ITPRID1: variants seen among roughly 807,000 people sequenced by gnomAD.
The protein encoded by ITPRID1 is ITPR interacting domain containing 1, also known as protein ITPRID1.
ITPRID1 carries 96 observed loss-of-function variants against 95.4 expected under a neutral mutation model. That is an observed-to-expected ratio of 1.01 (90% CI 0.85 to 1.19). ITPRID1 has a LOEUF of 1.19. ITPRID1 is among the 50% of genes most tolerant of loss of function. The pLI is 0.00. For missense variants in ITPRID1, 1,339 were observed against 1,252.9 expected, an observed-to-expected ratio of 1.07 and a Z score of -1.04; for synonymous variants, 510 against 453.6, an observed-to-expected ratio of 1.12 and a Z score of -1.58.
intron 10 of ITPRID1, among the ~76,000 whole-genome samples, chr7:31,619,744 A>T (rs1286906836): frequency 6.6e-6 from 1 of 152,122 alleles, no homozygotes; most frequent in East Asian, 1.9e-4. Flanking sequence ...AGGGAGTGCC[A>T]GACAGTGGGC....
downstream of ITPRID1, chr7:31,656,587 T>A: frequency 1.7e-6 from 1 of 587,642 alleles, no homozygotes; most frequent in Non-Finnish European, 2.1e-6. Flanking sequence ...GATGAATGAA[T>A]GAGATGAGGA....
intron 10 of ITPRID1, among the ~76,000 whole-genome samples, chr7:31,625,335 C>T (rs556900513): frequency 4.0e-4 from 61 of 151,874 alleles, no homozygotes; most frequent in South Asian, 3.5e-3. Flanking sequence ...ATGTTTATTG[C>T]GGCACTATTC....
At chr7:31,595,764 G>A (rs559196359) in intron 10 of ITPRID1, among the ~76,000 whole-genome samples, 1 of 152,018 alleles carries the variant, frequency 6.6e-6, no homozygotes, top group African/African-American at 2.4e-5. Context: ...GTAGAAATTG[G>A]TAATGTGGAA....
At chr7:31,538,446 A>C (rs917965914) in intron 1 of ITPRID1, among the ~76,000 whole-genome samples, 12 of 152,344 alleles carry the variant, frequency 7.9e-5, no homozygotes, top group African/African-American at 2.9e-4. Flanking sequence ...TGATCTACAG[A>C]CCATATTCAT....
At chr7:31,624,268 C>A (rs947041147) in intron 10 of ITPRID1, among the ~76,000 whole-genome samples, 5 of 144,966 alleles carry the variant, frequency 3.4e-5, no homozygotes, top group African/African-American at 1.3e-4. Flanking sequence ...TTGGAAAAAA[C>A]TACTTTAAAG....
chr7:31,554,809 A>G, intron 4 of ITPRID1, 49 bp from the exon 5 acceptor site: 1 of 1,440,406 alleles, frequency 6.9e-7, no homozygotes, highest in Non-Finnish European at 9.5e-7. Flanking sequence ...ATTTAGTATA[A>G]TTTATTTACA....
At chr7:31,599,912 A>G (rs1377245352) in intron 10 of ITPRID1, among the ~76,000 whole-genome samples, 1 of 151,766 alleles carries the variant, frequency 6.6e-6, no homozygotes, top group African/African-American at 2.4e-5. Flanking sequence ...GTTAGCCAGG[A>G]TGGTCTGGAT....
At position 31,643,037 on chromosome 7, in the gene ITPRID1, C is replaced by A. The variant is rs1439228241; in HGVS notation, c.1667C>A (p.Pro556His). The change falls in exon 12 of 15, where the codon CCC (proline) becomes CAC (histidine). Residue 556 changes from proline to histidine, a missense_variant. Coordinates refer to ENST00000615280, the MANE Select transcript of ITPRID1 (RefSeq NM_001257967.3). ...CATGCTGAGTATGAGGTCACCAGAC[C>A]CACAGCCACTTCCAAATATGATCAT... ...MPHAEYEVTR[P>H]TATSKYDHPL... The A allele has an allele frequency of 1.2e-6, 2 of 1,613,970 alleles. No individual in the cohort carries two copies. The highest frequency in any genetic ancestry group is 1.7e-6 in the Non-Finnish European group (2 of 1,179,888).
chr7:31,634,271 CTAAT>C (rs1362880941), intron 10 of ITPRID1, among the ~76,000 whole-genome samples: 2 of 152,064 alleles, frequency 1.3e-5, no homozygotes, highest in African/African-American at 4.8e-5. Flanking sequence ...ATGGTAATTT[CTAAT>C]TAATATTAGT....
At chr7:31,657,095 T>C (rs1008519765), downstream of ITPRID1, among the ~76,000 whole-genome samples, 5 of 3,964 alleles carry the variant, frequency 1.3e-3, no homozygotes, top group South Asian at 5.3e-3. Context: ...TTATATATGA[T>C]ATATATAAAA....
At chr7:31,595,345 TACACACAC>T (rs58632355) in intron 10 of ITPRID1, among the ~76,000 whole-genome samples, 2 of 147,146 alleles carry the variant, frequency 1.4e-5, no homozygotes, top group African/African-American at 2.5e-5. Flanking sequence ...ATGCCCGGCC[TACACACAC>T]ACACACACAC....
At chr7:31,645,084 A>C (rs1790350129) in intron 12 of ITPRID1, among the ~76,000 whole-genome samples, 3 of 152,236 alleles carry the variant, frequency 2.0e-5, no homozygotes, top group Non-Finnish European at 2.9e-5. Flanking sequence ...AGAGAGTTTA[A>C]ATAATTATCT....
At chr7:31,579,861 T>G (rs1009579349) in intron 9 of ITPRID1, among the ~76,000 whole-genome samples, 1 of 151,882 alleles carries the variant, frequency 6.6e-6, no homozygotes. Context: ...TGAATAATAA[T>G]AATAAAAGGA....
At chr7:31,529,077 C>T (rs12672295) in intron 1 of ITPRID1, among the ~76,000 whole-genome samples, 34,765 of 152,120 alleles carry the variant, frequency 0.23, 4,075 homozygotes, top group East Asian at 0.33. Flanking sequence ...TAAAATACTT[C>T]ATAGATAGTG....
chr7:31,553,279 CA>C, intron 3 of ITPRID1, 92 bp downstream of exon 3: 1 of 1,247,028 alleles, frequency 8.0e-7, no homozygotes. Context: ...GATTTTGGAA[CA>C]AAAGTATTTG....
rs916688845 is a variant in ITPRID1 at position 31,654,856 on chromosome 7, A to C, written c.*2027A>C. On this transcript the variant is annotated 3_prime_UTR_variant, in exon 15 of 15. Transcript: ENST00000615280. Reference sequence around the variant, plus strand: ...TTCTATTGAAACCACCCACTACTCAAAACCATCTCACATCTTGCTTGCACT... The same window carrying C: ...TTCTATTGAAACCACCCACTACTCACAACCATCTCACATCTTGCTTGCACT... Among the ~76,000 whole-genome samples the C allele has an allele frequency of 3.3e-5, 5 of 152,080 alleles. No homozygotes were observed. The highest frequency in any genetic ancestry group is 7.4e-5 in the Non-Finnish European group (5 of 68,010).
chr7:31,567,221 G>A (rs948963797), intron 5 of ITPRID1, among the ~76,000 whole-genome samples: 3 of 152,070 alleles, frequency 2.0e-5, no homozygotes, highest in African/African-American at 7.2e-5. Flanking sequence ...CCTAATAATG[G>A]TCATTTACTC....
chr7:31,533,756 T>TA (rs1320883385), intron 1 of ITPRID1, among the ~76,000 whole-genome samples: 2 of 152,228 alleles, frequency 1.3e-5, no homozygotes, highest in Non-Finnish European at 2.9e-5. Flanking sequence ...AATTTCCAAA[T>TA]ATTTGAGCAT....
intron 10 of ITPRID1, among the ~76,000 whole-genome samples, chr7:31,620,076 G>A (rs1787686810): frequency 6.6e-6 from 1 of 152,192 alleles, no homozygotes; most frequent in Admixed American, 6.5e-5. Flanking sequence ...CCATTACCCA[G>A]GCTTGATTAG....
Sources: gnomAD v4.1 joint callset for allele counts (sites outside exome capture counted in the v4.1 genomes callset) on GRCh38, gnomAD v4.1.1 for gene constraint, MANE v1.5 for transcripts, NCBI Gene and HGNC (gene_info 2026-07-23, HGNC 2026-07-21) for gene names.